Variants in ICE1 observed in about 807,000 individuals in gnomAD.
The protein encoded by ICE1 is interactor of little elongation complex ELL subunit 1, also known as little elongation complex subunit 1.
A neutral mutation model predicts 192.7 loss-of-function variants in ICE1; 64 were observed. That is an observed-to-expected ratio of 0.33 (90% confidence interval 0.27 to 0.41). The LOEUF (loss-of-function observed/expected upper bound fraction) is 0.41. ICE1 is among the 10% of genes least tolerant of loss of function. ICE1 has a pLI of 1.00. For missense variants in ICE1, 2,708 were observed against 2,696.0 expected (o/e 1.00, Z -0.10); for synonymous variants, 1,010 against 984.5 (o/e 1.03, Z -0.49).
At chr5:5,469,814 T>C (rs1429045586) in intron 15 of ICE1, among the ~76,000 whole-genome samples, 2 of 152,210 alleles carry the variant, frequency 1.3e-5, no homozygotes, top group South Asian at 2.1e-4. Flanking sequence ...AATGATCTCT[T>C]CATCAATCTA....
At chr5:5,484,374 C>T (rs952880312) in intron 17 of ICE1, among the ~76,000 whole-genome samples, 2 of 152,162 alleles carry the variant, frequency 1.3e-5, no homozygotes, top group Non-Finnish European at 2.9e-5. Flanking sequence ...TGAGTAATAC[C>T]ATAGCTGTGC....
chr5:5,438,450 G>T (rs1276230024), intron 3 of ICE1, among the ~76,000 whole-genome samples: 1 of 152,140 alleles, frequency 6.6e-6, no homozygotes, highest in African/African-American at 2.4e-5. Context: ...AAAAATAAAG[G>T]TCATTGGAAA....
In ICE1 at chr5:5,447,740, C is replaced by T; in HGVS notation, c.527C>T (p.Ser176Phe). 2 of 1,584,820 alleles carry T rather than the reference C, an allele frequency of 1.3e-6. No homozygotes were observed. The highest frequency in any genetic ancestry group is 1.7e-6 in the Non-Finnish European group (2 of 1,163,466). ...TCACAGGAAAGGCTTGACGAATTTT[C>T]TAAACAGAAAAATGAAAAGGGTGAG... is the stretch of plus-strand genomic sequence containing the variant. ...KKTQERLDEF[S>F]KQKNEKELRH... Residue 176 changes from serine to phenylalanine, a missense_variant, in exon 9 of 19, where the codon TCT becomes TTT. This residue lies in a region of ICE1 where 2,366 missense variants were observed against 2,276.6 expected (regional missense o/e 1.04). Transcript: ENST00000296564.
chr5:5,428,149 G>C (rs949918881), intron 1 of ICE1, among the ~76,000 whole-genome samples: 3 of 152,152 alleles, frequency 2.0e-5, no homozygotes, highest in Non-Finnish European at 2.9e-5. Context: ...TGGAGAGACT[G>C]GGGTTTGCCT....
At chr5:5,480,062 G>A (rs1399814105) in intron 17 of ICE1, among the ~76,000 whole-genome samples, 4 of 152,030 alleles carry the variant, frequency 2.6e-5, no homozygotes, top group East Asian at 1.9e-4. Flanking sequence ...AAACCTGTAC[G>A]TTCTGCATGT....
At position 5,466,384 on chromosome 5, in the gene ICE1, G is replaced by C. The variant is rs1286681471; in HGVS notation, c.5943G>C (p.Gln1981His). Residue 1981 changes from glutamine (Q) to histidine (H), a missense_variant, in exon 14 of 19, where the codon CAG becomes CAC. Around this residue, in one of 2 missense-constraint regions of ICE1, gnomAD observed 342 missense variants for 419.3 expected, o/e 0.82. Transcript: ENST00000296564. ...LHSILSELKIQKISMDHNYIH... is the reference protein window; with the variant it reads ...LHSILSELKIHKISMDHNYIH... ...CTATTCTCTCAGAACTAAAAATTCAGAAGATATCTATGGACCACAATTACA... is the reference window on the plus strand; with the variant it reads ...CTATTCTCTCAGAACTAAAAATTCACAAGATATCTATGGACCACAATTACA... 5 of 1,612,752 alleles carry C rather than the reference G, an allele frequency of 3.1e-6. No homozygotes were observed. In the East Asian group the frequency reaches 1.1e-4, roughly 36 times the overall value.
intron 14 of ICE1, among the ~76,000 whole-genome samples, chr5:5,468,532 T>C (rs1255488401): frequency 1.3e-5 from 2 of 152,258 alleles, no homozygotes; most frequent in Non-Finnish European, 2.9e-5. Context: ...GTAAATGTAA[T>C]GCATAAAAAC....
In ICE1 at chr5:5,462,707, G is replaced by T. The variant is rs1332290646; in HGVS notation, c.3373G>T (p.Ala1125Ser). 12 of 1,613,856 alleles carry T rather than the reference G, an allele frequency of 7.4e-6. No homozygotes were observed. In the South Asian group the frequency reaches 1.2e-4, roughly 16 times the overall value. The change falls in exon 13 of 19, where the codon GCT becomes TCT. Residue 1125 changes from alanine (A) to serine (S), a missense_variant. Physicochemically the swap from Ala to Ser is moderately conservative, Grantham distance 99 (BLOSUM62 1). Around this residue, in one of 2 missense-constraint regions of ICE1, gnomAD observed 2,366 missense variants for 2,276.6 expected, o/e 1.04. Coordinates refer to ENST00000296564, the MANE Select transcript of ICE1 (RefSeq NM_015325.3). ...SCSEGSEQQD[A>S]PDDSQKNLGD... ...CAGTGAGGGGAGCGAACAGCAAGAT[G>T]CTCCTGATGACTCACAGAAAAATTT...
chr5:5,431,971 A>C, intron 1 of ICE1, among the ~76,000 whole-genome samples: 1 of 146,822 alleles, frequency 6.8e-6, no homozygotes, highest in South Asian at 2.1e-4. Flanking sequence ...CTGGGTTTTT[A>C]TTTTCTGCAT....
rs1196705327 is a variant in ICE1, at chr5:5,489,213, A to T, written c.6684A>T (p.Pro2228=). 1 of 1,613,982 alleles carries T rather than the reference A, an allele frequency of 6.2e-7. No individual in the cohort carries two copies. Among genetic ancestry groups the T allele is most frequent in the East Asian group, 2.2e-5 (1 of 44,878 alleles). Residue 2228 remains proline, a synonymous_variant, in exon 19 of 19, where the codon CCA becomes CCT. Coordinates refer to ENST00000296564, the MANE Select transcript of ICE1 (RefSeq NM_015325.3). The stretch of plus-strand genomic sequence containing the variant: ...TTTGTGACTTGAGTCCCAGCAATCC[A>T]GCAGAAATTTCCAAGATCCTGGAAG... ...YALCDLSPSN[P]AEISKILEAW...
In ICE1 at chr5:5,422,941, C is replaced by T; in HGVS notation, c.26C>T (p.Ala9Val). The T allele has an allele frequency of 1.4e-6, 2 of 1,446,066 alleles. No homozygotes were observed. The highest frequency in any genetic ancestry group is 1.8e-6 in the Non-Finnish European group (2 of 1,100,912). 89.6% of individuals were successfully genotyped at this position (1,446,066 alleles called of 1,614,324 possible). Residue 9 changes from alanine to valine, a missense_variant, in exon 1 of 19, where the codon GCG becomes GTG. By Grantham distance (64) the Ala-to-Val change is moderately conservative (BLOSUM62 0). Transcript: ENST00000296564. MMPGETHS[A>V]APGTAADLSR... is the part of the protein sequence containing the mutation. ...ATGATGCCGGGCGAGACCCATTCGG[C>T]GGCGCCCGGGACGGCGGCGGACCTG...
intron 10 of ICE1, among the ~76,000 whole-genome samples, chr5:5,450,568 T>C (rs1435364333): frequency 6.6e-6 from 1 of 152,178 alleles, no homozygotes; most frequent in African/African-American, 2.4e-5. Context: ...TTCATATTCA[T>C]AGGGGCCACC....
intron 12 of ICE1, among the ~76,000 whole-genome samples, chr5:5,459,385 G>A (rs1738685850): frequency 6.6e-6 from 1 of 152,182 alleles, no homozygotes; most frequent in Non-Finnish European, 1.5e-5. Context: ...AGAATGTTAG[G>A]TATGAGGTAT....
At chr5:5,477,908 A>G (rs1410323217) in intron 17 of ICE1, among the ~76,000 whole-genome samples, 1 of 152,216 alleles carries the variant, frequency 6.6e-6, no homozygotes, top group Non-Finnish European at 1.5e-5. Context: ...TAGATACCGA[A>G]AAGGCCTTCA....
chr5:5,432,838 T>G (rs1737762048), intron 1 of ICE1, among the ~76,000 whole-genome samples: 1 of 152,230 alleles, frequency 6.6e-6, no homozygotes, highest in African/African-American at 2.4e-5. Flanking sequence ...TTTTTAAGTT[T>G]TCTTTTCAGT....
intron 1 of ICE1, among the ~76,000 whole-genome samples, chr5:5,435,677 T>G (rs757837916): frequency 0.31 from 38,011 of 123,582 alleles, 5,316 homozygotes; most frequent in East Asian, 0.43. Flanking sequence ...TTTTTTGTTT[T>G]GTTTTTGTTT....
At chr5:5,474,077 G>A (rs951586728) in intron 16 of ICE1, among the ~76,000 whole-genome samples, 1 of 151,984 alleles carries the variant, frequency 6.6e-6, no homozygotes, top group Non-Finnish European at 1.5e-5. Context: ...GGGCGTGGTG[G>A]TGGGCGCCTG....
chr5:5,430,604 C>T (rs1234860814), intron 1 of ICE1, among the ~76,000 whole-genome samples: 2 of 152,196 alleles, frequency 1.3e-5, no homozygotes, highest in Non-Finnish European at 2.9e-5. Context: ...TTTTTAATTG[C>T]TTCCACTGTG....
Position 5,462,516 on chromosome 5 carries a change from C to G in ICE1, c.3182C>G (p.Pro1061Arg). 1 of 1,613,960 alleles carries G rather than the reference C, an allele frequency of 6.2e-7. No homozygotes were observed. The highest frequency in any genetic ancestry group is 1.1e-5 in the South Asian group (1 of 91,072). ...LKSTTPGGAL[P>R]ECFGTTDTTF... ...TCTACAACTCCCGGTGGTGCTTTGC[C>G]TGAGTGTTTTGGCACCACAGACACT... The change falls in exon 13 of 19, where the codon CCT becomes CGT. Residue 1061 changes from proline (P) to arginine (R), a missense_variant. Transcript: ENST00000296564.
Sources: gnomAD v4.1 joint callset for allele counts (sites outside exome capture counted in the v4.1 genomes callset) on GRCh38, gnomAD v4.1.1 for gene constraint, gnomAD v4.1.1 regional missense constraint, MANE v1.5 for transcripts, NCBI Gene and HGNC (gene_info 2026-07-23, HGNC 2026-07-21) for gene names.